Variants in HSDL2 observed in about 807,000 individuals in gnomAD.
HSDL2 encodes hydroxysteroid dehydrogenase-like protein 2.
In HSDL2, 27 loss-of-function variants were observed where a neutral mutation model predicts 46.3. The observed-to-expected ratio is 0.58, with a 90% CI of 0.43 to 0.80. HSDL2 has a LOEUF of 0.80. HSDL2 is among the 30% of genes least tolerant of loss of function. The probability of loss-of-function intolerance (pLI) is 0.00; values close to 1 mark genes in which losing one functional copy is unlikely to be tolerated. For synonymous variants in HSDL2, 153 were observed against 163.6 expected, an observed-to-expected ratio of 0.94 and a Z score of 0.50; for missense variants, 451 against 502.7, an observed-to-expected ratio of 0.90 and a Z score of 0.98.
At chr9:112,446,218 T>C (rs1832757459) in intron 8 of HSDL2, among the ~76,000 whole-genome samples, 1 of 152,174 alleles carries the variant, frequency 6.6e-6, no homozygotes. Flanking sequence ...CCTGTCTATA[T>C]GGAGGAATTC....
At chr9:112,423,911 A>C (rs764719851) in intron 6 of HSDL2, among the ~76,000 whole-genome samples, 1 of 150,752 alleles carries the variant, frequency 6.6e-6, no homozygotes, top group Non-Finnish European at 1.5e-5. Context: ...ACAGGGTTTC[A>C]CTATGTTGGC....
At chr9:112,445,267 C>G (rs75226888) in intron 8 of HSDL2, among the ~76,000 whole-genome samples, 2,581 of 152,264 alleles carry the variant, frequency 0.017, 84 homozygotes, top group African/African-American at 0.058. Context: ...CTCCCCTTTC[C>G]CTTTCCCTGT....
chr9:112,462,133 T>C (rs1217084757), intron 10 of HSDL2, among the ~76,000 whole-genome samples: 1 of 152,170 alleles, frequency 6.6e-6, no homozygotes, highest in Non-Finnish European at 1.5e-5. Context: ...ACCATAGCCA[T>C]TTCTATGCCT....
intron 4 of HSDL2, among the ~76,000 whole-genome samples, chr9:112,413,750 A>G (rs1274966680): frequency 6.6e-6 from 1 of 152,150 alleles, no homozygotes. Flanking sequence ...AAGAAATAGC[A>G]CTTGAACATA....
At chr9:112,398,230 G>T (rs991049539) in intron 1 of HSDL2, among the ~76,000 whole-genome samples, 2 of 152,036 alleles carry the variant, frequency 1.3e-5, no homozygotes, top group African/African-American at 4.8e-5. Context: ...GAAGCAGGTT[G>T]AATGGATGGC....
chr9:112,433,722 G>T (rs1832458112), intron 6 of HSDL2: 1 of 152,200 alleles, frequency 6.6e-6, no homozygotes, highest in Non-Finnish European at 1.5e-5. Context: ...CTATTTAAAA[G>T]AAAACACTCA....
intron 10 of HSDL2, among the ~76,000 whole-genome samples, chr9:112,464,213 GACAC>G (rs1253732886): frequency 6.8e-6 from 1 of 146,626 alleles, no homozygotes; most frequent in Non-Finnish European, 1.5e-5. Context: ...CACACACACA[GACAC>G]ACACACAGAC....
At chr9:112,426,659 G>A (rs1444463227) in intron 6 of HSDL2, among the ~76,000 whole-genome samples, 1 of 152,184 alleles carries the variant, frequency 6.6e-6, no homozygotes, top group Non-Finnish European at 1.5e-5. Context: ...TAGTGCAGCA[G>A]TTTTGATACT....
intron 1 of HSDL2, among the ~76,000 whole-genome samples, chr9:112,393,274 C>T (rs111891732): frequency 0.013 from 2,003 of 152,254 alleles, 73 homozygotes; most frequent in East Asian, 0.1. Context: ...AATTTAGTTA[C>T]GTCCAAGGAT....
At chr9:112,446,023 G>T (rs762152645) in intron 8 of HSDL2, among the ~76,000 whole-genome samples, 1 of 152,028 alleles carries the variant, frequency 6.6e-6, no homozygotes, top group Non-Finnish European at 1.5e-5. Flanking sequence ...ATTCTTGTAG[G>T]TTTCATGGTA....
chr9:112,414,702 G>A (rs958978671), intron 4 of HSDL2, among the ~76,000 whole-genome samples: 1 of 152,072 alleles, frequency 6.6e-6, no homozygotes, highest in African/African-American at 2.4e-5. Context: ...TTGATGCTTC[G>A]AGTTGCAGTT....
intron 10 of HSDL2, among the ~76,000 whole-genome samples, chr9:112,464,110 T>TA (rs1833301048): frequency 6.6e-6 from 1 of 151,594 alleles, no homozygotes; most frequent in Non-Finnish European, 1.5e-5. Context: ...CTCATGCCTA[T>TA]AATCCCAACA....
At position 112,415,156 on chromosome 9, in the gene HSDL2, CT is replaced by C. The variant is rs377256024; in HGVS notation, c.396-1680del. 2.9e-4 allele frequency among the ~76,000 whole-genome samples: 44 copies of C among 152,086 alleles called. 1 individual carries two copies. In the East Asian group the frequency reaches 7.9e-3, roughly 27 times the overall value. Reference sequence around the variant, plus strand: ...ATAAATTACCTACCTTAATGAGTGACTTTTTAAAAATAAAGCTATGTATTGC... The same window carrying C: ...ATAAATTACCTACCTTAATGAGTGACTTTTAAAAATAAAGCTATGTATTGC... On this transcript the variant is annotated intron_variant, in intron 4 of 10. Coordinates refer to ENST00000398805, the MANE Select transcript of HSDL2 (RefSeq NM_032303.5).
At chr9:112,385,826 A>G (rs945007021) in intron 1 of HSDL2, among the ~76,000 whole-genome samples, 4 of 151,668 alleles carry the variant, frequency 2.6e-5, no homozygotes, top group African/African-American at 9.7e-5. Context: ...ACGGGGTTTC[A>G]CCATGTTGGC....
At chr9:112,381,644 G>A (rs1831099776) in intron 1 of HSDL2, among the ~76,000 whole-genome samples, 1 of 152,182 alleles carries the variant, frequency 6.6e-6, no homozygotes, top group Admixed American at 6.5e-5. Flanking sequence ...GTAAGCCACT[G>A]CGCCTGGCCC....
chr9:112,447,479 G>A (rs2132682335), intron 8 of HSDL2, among the ~76,000 whole-genome samples: 1 of 152,304 alleles, frequency 6.6e-6, no homozygotes, highest in Middle Eastern at 3.4e-3. Context: ...ATCACCTGAA[G>A]TAGTTACCCA....
At chr9:112,470,394 T>G (rs770703987) in intron 10 of HSDL2, 38 bp from the exon 11 acceptor site, 3 of 1,272,738 alleles carry the variant, frequency 2.4e-6, no homozygotes, top group Admixed American at 1.7e-5. Flanking sequence ...CTAAGGGCAC[T>G]AATGGTTGCT....
At chr9:112,433,774 G>A (rs915189304) in intron 6 of HSDL2, 1 of 152,334 alleles carries the variant, frequency 6.6e-6, no homozygotes, top group Non-Finnish European at 1.5e-5. Flanking sequence ...CTCTCTTTAT[G>A]TCAGCTGGAA....
Position 112,471,339 on chromosome 9 carries a change from G to T in HSDL2, c.*795G>T, listed in dbSNP as rs1833569644. The T allele has an allele frequency of 6.6e-6, 1 of 152,142 alleles. No individual in the cohort carries two copies. Among genetic ancestry groups the T allele is most frequent in the African/African-American group, 2.4e-5 (1 of 41,420 alleles). The allele number at this position is 152,142 out of a possible 1,614,324, so 9.4% of individuals were successfully genotyped here. On this transcript the variant is annotated 3_prime_UTR_variant, in exon 11 of 11. Coordinates refer to ENST00000398805, the MANE Select transcript of HSDL2 (RefSeq NM_032303.5). Reference sequence around the variant, plus strand: ...TTGAATGTGACTGTTCGGAGATGAGGCCTTTAAAGAGGTGACTTAAGTTCA... The same window carrying T: ...TTGAATGTGACTGTTCGGAGATGAGTCCTTTAAAGAGGTGACTTAAGTTCA...
Sources: gnomAD v4.1 joint callset for allele counts (sites outside exome capture counted in the v4.1 genomes callset) on GRCh38, gnomAD v4.1.1 for gene constraint, MANE v1.5 for transcripts, NCBI Gene and HGNC (gene_info 2026-07-23, HGNC 2026-07-21) for gene names.